The following COL19A1 variants were observed in gnomAD, a reference collection of about 807,000 sequenced individuals.
The protein encoded by COL19A1 is collagen type XIX alpha 1 chain, also known as collagen alpha-1(XIX) chain.
In COL19A1, 159 loss-of-function variants were observed where a neutral mutation model predicts 190.2. The ratio of observed to expected loss-of-function variants is 0.84; its 90% confidence interval spans 0.73 to 0.95. COL19A1 has a LOEUF of 0.95. Ranked by LOEUF, COL19A1 falls within the 40% of genes least tolerant of loss-of-function variation. COL19A1 has a pLI of 0.00. For missense variants in COL19A1, 1,418 were observed against 1,431.9 expected, an observed-to-expected ratio of 0.99 and a Z score of 0.16; for synonymous variants, 509 against 458.9, an observed-to-expected ratio of 1.11 and a Z score of -1.39.
chr6:69,909,074 G>A (rs1770737820), intron 4 of COL19A1, among the ~76,000 whole-genome samples: 1 of 152,036 alleles, frequency 6.6e-6, no homozygotes, highest in Admixed American at 6.5e-5. Flanking sequence ...TGCCTTCAAA[G>A]AATGTATTCT....
intron 42 of COL19A1, 103 bp from the exon 43 acceptor site, chr6:70,180,209 C>A: frequency 7.6e-7 from 1 of 1,320,892 alleles, no homozygotes; most frequent in Non-Finnish European, 1.1e-6. Flanking sequence ...GAGAGCATCA[C>A]CCTTGGGAGC....
chr6:70,102,274 G>C, intron 16 of COL19A1, 52 bp downstream of exon 16: 1 of 1,309,586 alleles, frequency 7.6e-7, no homozygotes. Context: ...CTTTATGTCT[G>C]TGTGTTTACC....
Position 69,888,968 on chromosome 6 carries a change from AG to A in COL19A1, c.91+9314del, listed in dbSNP as rs577437860. On this transcript the variant is annotated intron_variant, in intron 2 of 50. Transcript: ENST00000620364. ...AAGTAGGATGTGTACAGGGGGGCTG[AG>A]GGGAACTAGTAACAAGGAAACAAAG... 1.2e-4 allele frequency among the ~76,000 whole-genome samples: 19 copies of A among 152,262 alleles called. No individual in the cohort carries two copies. The South Asian group carries it at 2.9e-3, about 23-fold the overall frequency.
chr6:70,148,652 C>CG (rs1003360940), intron 27 of COL19A1, among the ~76,000 whole-genome samples: 1 of 152,004 alleles, frequency 6.6e-6, no homozygotes, highest in African/African-American at 2.4e-5. Flanking sequence ...AGAGGCTGGG[C>CG]CTGGTGGCTC....
At chr6:69,964,056 T>C (rs1774958145) in intron 11 of COL19A1, among the ~76,000 whole-genome samples, 1 of 152,242 alleles carries the variant, frequency 6.6e-6, no homozygotes, top group Non-Finnish European at 1.5e-5. Context: ...TGGAATTGGA[T>C]GGCCAGGAGA....
chr6:70,155,147 T>C (rs1036610024), intron 31 of COL19A1, among the ~76,000 whole-genome samples: 4 of 152,142 alleles, frequency 2.6e-5, no homozygotes, highest in Non-Finnish European at 5.9e-5. Flanking sequence ...CAGATTTACA[T>C]TGCTATTCAT....
chr6:70,125,903 GCT>G (rs1356663206), intron 17 of COL19A1, among the ~76,000 whole-genome samples: 2 of 152,108 alleles, frequency 1.3e-5, no homozygotes, highest in East Asian at 3.9e-4. Flanking sequence ...AATTTGATAG[GCT>G]CTGTCAACTA....
intron 12 of COL19A1, among the ~76,000 whole-genome samples, chr6:70,026,037 C>G (rs1236375918): frequency 2.7e-5 from 4 of 146,146 alleles, no homozygotes; most frequent in Non-Finnish European, 4.4e-5. Flanking sequence ...TATGTGGGCT[C>G]TCTGAGATAG....
At position 70,190,295 on chromosome 6, in the gene COL19A1, C is replaced by CA. The variant is rs1562258307; in HGVS notation, c.3028-20_3028-19insA. Reference sequence around the variant, plus strand: ...TTGTGCTATGCTCTATTTTAACAACCTTTTTTTTTCCTTCTTCAGGCTGAT... The same window carrying CA: ...TTGTGCTATGCTCTATTTTAACAACCATTTTTTTTTCCTTCTTCAGGCTGAT... On this transcript the variant is annotated intron_variant, in intron 47 of 50. Transcript: ENST00000620364. 4 of 1,549,932 alleles carry CA rather than the reference C, an allele frequency of 2.6e-6. No homozygotes were observed. In the Admixed American group the frequency reaches 5.2e-5, roughly 20 times the overall value.
At chr6:70,100,730 G>A (rs1005327834) in intron 15 of COL19A1, among the ~76,000 whole-genome samples, 3 of 151,422 alleles carry the variant, frequency 2.0e-5, no homozygotes, top group African/African-American at 7.3e-5. Context: ...CGCCTGCCTC[G>A]GCCTCCCAAA....
intron 14 of COL19A1, among the ~76,000 whole-genome samples, chr6:70,041,440 G>C (rs1779628324): frequency 6.6e-6 from 1 of 151,862 alleles, no homozygotes; most frequent in African/African-American, 2.4e-5. Context: ...AGCACATCTT[G>C]TTAGATTTTA....
rs533355763 is a variant in COL19A1 at position 70,134,205 on chromosome 6, T to C, written c.1384-3480T>C. Among the ~76,000 whole-genome samples the C allele has an allele frequency of 3.3e-5, 5 of 152,322 alleles. No homozygotes were observed. In the South Asian group the frequency reaches 1.0e-3, roughly 32 times the overall value. ...TAATGCCTATACAAGTCTAATTGTT[T>C]ATTTTCTCTATCAAACCAACAACAA... On this transcript the variant is annotated intron_variant, in intron 18 of 50. Coordinates refer to ENST00000620364, the MANE Select transcript of COL19A1 (RefSeq NM_001858.6).
At chr6:70,006,673 T>C (rs1419132330) in intron 11 of COL19A1, among the ~76,000 whole-genome samples, 1 of 152,212 alleles carries the variant, frequency 6.6e-6, no homozygotes, top group Non-Finnish European at 1.5e-5. Flanking sequence ...TGCGTTTGTA[T>C]AGTCATAGAT....
chr6:70,153,720 T>C (rs1398798310), intron 31 of COL19A1, among the ~76,000 whole-genome samples: 1 of 152,196 alleles, frequency 6.6e-6, no homozygotes. Context: ...TTCATACTTT[T>C]TGAAATATGG....
intron 14 of COL19A1, among the ~76,000 whole-genome samples, chr6:70,067,430 G>A (rs1268032607): frequency 6.6e-6 from 1 of 152,086 alleles, no homozygotes; most frequent in East Asian, 1.9e-4. Flanking sequence ...AGTGTGGTAT[G>A]GATTTATTGA....
intron 11 of COL19A1, among the ~76,000 whole-genome samples, chr6:69,984,788 A>C (rs1035881252): frequency 2.6e-5 from 4 of 152,164 alleles, no homozygotes; most frequent in African/African-American, 9.7e-5. Context: ...AGTTCTTGAA[A>C]GATTATTTGT....
chr6:70,090,345 A>G (rs1330298173), intron 15 of COL19A1, among the ~76,000 whole-genome samples: 1 of 152,134 alleles, frequency 6.6e-6, no homozygotes, highest in Non-Finnish European at 1.5e-5. Flanking sequence ...TTTTTTGGTC[A>G]TTATTCCCCA....
At chr6:70,077,330 G>A (rs981140458) in intron 15 of COL19A1, among the ~76,000 whole-genome samples, 5 of 152,224 alleles carry the variant, frequency 3.3e-5, no homozygotes, top group Admixed American at 1.3e-4. Context: ...TATGATGTAC[G>A]TAGATTGTAC....
intron 9 of COL19A1, among the ~76,000 whole-genome samples, chr6:69,945,317 G>A (rs1773726394): frequency 6.6e-6 from 1 of 151,870 alleles, no homozygotes; most frequent in African/African-American, 2.4e-5. Context: ...GTCAGAAACT[G>A]GTATTGATTT....
Sources: allele counts gnomAD v4.1 joint callset (sites outside exome capture counted in the v4.1 genomes callset), GRCh38; gene constraint gnomAD v4.1.1; transcripts MANE v1.5; gene names NCBI Gene and HGNC (gene_info 2026-07-23, HGNC 2026-07-21).